BACE1: variants seen among roughly 807,000 people sequenced by gnomAD.
BACE1 encodes beta-secretase 1, also known as APP beta-secretase.
In BACE1, 21 loss-of-function variants were observed where a neutral mutation model predicts 54.0. The ratio of observed to expected loss-of-function variants is 0.39; its 90% CI spans 0.28 to 0.56. BACE1 has a LOEUF of 0.56. Ranked by LOEUF, BACE1 falls within the 20% of genes least tolerant of loss-of-function variation. The pLI, the probability that BACE1 is intolerant of heterozygous loss-of-function variation, is 0.63. For missense variants in BACE1, 511 were observed against 661.2 expected (o/e 0.77, Z 2.49); for synonymous variants, 232 against 260.9 (o/e 0.89, Z 1.07).
chr11:117,288,421 AG>A lies in BACE1; in HGVS notation c.*1144del, dbSNP rs2034321238. ...TAGCCTAATAGGAAGAAATCCAGGC[AG>A]GGGTTATAGGGCATCAGCTGTTGAA... On this transcript the variant is annotated 3_prime_UTR_variant, in exon 9 of 9. Coordinates refer to ENST00000313005, the MANE Select transcript of BACE1 (RefSeq NM_012104.6). The A allele has an allele frequency of 6.5e-6, 1 of 152,684 alleles. No homozygotes were observed. The highest frequency in any genetic ancestry group is 2.4e-5 in the African/African-American group (1 of 41,468). 9.5% of individuals were successfully genotyped at this position (152,684 alleles called of 1,614,324 possible). A position where few individuals can be genotyped will look rare whatever the true frequency, so the allele number is the denominator to read the frequency against.
rs1438366825 is a variant in BACE1, at chr11:117,286,502, A to T, written c.*3064T>A. ...GACTCCAGGGAAAGGACATTATTAT[A>T]TTACCAATAGCTGATTTTTTTTTCC... On this transcript the variant is annotated 3_prime_UTR_variant, in exon 9 of 9. Transcript: ENST00000313005. The T allele has an allele frequency of 6.6e-6, 1 of 152,612 alleles. No individual in the cohort carries two copies. Among genetic ancestry groups the T allele is most frequent in the Non-Finnish European group, 1.5e-5 (1 of 68,042 alleles). 9.5% of individuals were successfully genotyped at this position (152,612 alleles called of 1,614,324 possible).
chr11:117,302,440 C>G (rs888157406), intron 1 of BACE1, among the ~76,000 whole-genome samples: 2 of 152,230 alleles, frequency 1.3e-5, no homozygotes, highest in Non-Finnish European at 1.5e-5. Context: ...CAGCCATGGT[C>G]CCTCTCGCAA....
chr11:117,290,318 A>G (rs2034384953), intron 8 of BACE1, among the ~76,000 whole-genome samples, 170 bp downstream of exon 8: 1 of 152,184 alleles, frequency 6.6e-6, no homozygotes, highest in South Asian at 2.1e-4. Flanking sequence ...GGCAGGCAGT[A>G]CAAAAAAAGG....
intron 1 of BACE1, chr11:117,299,676 C>G: frequency 2.5e-6 from 1 of 407,468 alleles, no homozygotes; most frequent in South Asian, 1.7e-5. Context: ...TCCCCGGTCT[C>G]TGGGCAGCCA....
chr11:117,306,194 C>T (rs2034830279), intron 1 of BACE1, among the ~76,000 whole-genome samples: 1 of 152,210 alleles, frequency 6.6e-6, no homozygotes, highest in Non-Finnish European at 1.5e-5. Context: ...CCTGCCTGTG[C>T]TGGCTCTTGA....
chr11:117,306,238 C>T (rs1056294745), intron 1 of BACE1, among the ~76,000 whole-genome samples: 1 of 152,138 alleles, frequency 6.6e-6, no homozygotes, highest in Admixed American at 6.6e-5. Context: ...CTCTGCGGAA[C>T]CCACCTGGAA....
At chr11:117,313,176 C>A (rs1437208448) in intron 1 of BACE1, among the ~76,000 whole-genome samples, 1 of 152,170 alleles carries the variant, frequency 6.6e-6, no homozygotes, top group East Asian at 1.9e-4. Context: ...GTCCAAGCCA[C>A]CAGAGAGCAG....
chr11:117,297,263 A>G (rs1428001865), intron 1 of BACE1: 2 of 318,014 alleles, frequency 6.3e-6, no homozygotes, highest in East Asian at 7.7e-5. Context: ...TCAAAAAAAT[A>G]TAGGAAGTCA....
rs1211423677 is a variant in BACE1, at chr11:117,291,102, C to G, written c.943-53G>C. On this transcript the variant is annotated intron_variant, in intron 6 of 8. Coordinates refer to ENST00000313005, the MANE Select transcript of BACE1 (RefSeq NM_012104.6). ...GAGGAAAAGCCTCTTTATCATCTCG[C>G]CCCTCCCATGTTCAGATACATTAAC... The G allele has an allele frequency of 1.9e-6, 3 of 1,592,224 alleles. No individual in the cohort carries two copies. The African/African-American group carries it at 4.0e-5, about 21-fold the overall frequency.
chr11:117,293,470 A>C lies in BACE1; in HGVS notation c.706-282T>G. 3.2e-6 allele frequency: 1 copy of C among 312,214 alleles called. No individual in the cohort carries two copies. The highest frequency in any genetic ancestry group is 5.8e-6 in the Non-Finnish European group (1 of 173,718). The allele number at this position is 312,214 out of a possible 1,614,324, so 19.3% of individuals were successfully genotyped here. A position where few individuals can be genotyped will look rare whatever the true frequency, so the allele number is the denominator to read the frequency against. On this transcript the variant is annotated intron_variant, in intron 4 of 8. Transcript: ENST00000313005. The surrounding 1 kb of genome is among the most constrained non-coding windows in gnomAD (Gnocchi z 4.1). The stretch of plus-strand genomic sequence containing the variant: ...TCTAAACTGCCACAATAAATGTTGA[A>C]TGAATGGTTATTTGTTTATATTATA...
chr11:117,297,023 A>G, intron 1 of BACE1, 62 bp from the exon 2 acceptor site: 1 of 1,230,204 alleles, frequency 8.1e-7, no homozygotes, highest in Non-Finnish European at 1.2e-6. Context: ...CACCACCTTT[A>G]TTATCCCTCA....
chr11:117,299,164 C>G (rs1170848429), intron 1 of BACE1, among the ~76,000 whole-genome samples: 1 of 152,102 alleles, frequency 6.6e-6, no homozygotes, highest in Non-Finnish European at 1.5e-5. Flanking sequence ...TTCAGTCAGA[C>G]CAGAGCCATT....
At chr11:117,296,758 C>T (rs1201899793) in intron 2 of BACE1, 115 bp downstream of exon 2, 3 of 842,792 alleles carry the variant, frequency 3.6e-6, no homozygotes, top group Non-Finnish European at 5.5e-6. Flanking sequence ...CTTCCCCTTC[C>T]CTGGCAAGAA....
At position 117,315,075 on chromosome 11, in the gene BACE1, C is replaced by T. The variant is rs2035060521; in HGVS notation, c.261+460G>A. On this transcript the variant is annotated intron_variant, in intron 1 of 8. Transcript: ENST00000313005. The surrounding 1 kb of genome is among the most constrained non-coding windows in gnomAD (Gnocchi z 5.5). Reference sequence around the variant, plus strand: ...TGGGAGCAAGGTGCTTATTCAACTGCTGCCAGGATTCCTTGGTCCTGGAGG... The same window carrying T: ...TGGGAGCAAGGTGCTTATTCAACTGTTGCCAGGATTCCTTGGTCCTGGAGG... Among the ~76,000 whole-genome samples, 1 of 152,186 alleles carries T rather than the reference C, an allele frequency of 6.6e-6. No individual in the cohort carries two copies. The highest frequency in any genetic ancestry group is 1.5e-5 in the Non-Finnish European group (1 of 68,018).
chr11:117,289,645 A>G lies in BACE1; in HGVS notation c.1427T>C (p.Met476Thr). Residue 476 changes from methionine (M) to threonine (T), a missense_variant, in exon 9 of 9, where the codon ATG (methionine) becomes ACG (threonine). By Grantham distance (81) the Met-to-Thr change is moderately conservative. This residue lies in a region of BACE1 where 407 missense variants were observed against 565.7 expected (regional missense o/e 0.72). Coordinates refer to ENST00000313005, the MANE Select transcript of BACE1 (RefSeq NM_012104.6). The part of the protein sequence containing the change: ...CALFMLPLCL[M>T]VCQWRCLRCL... ...GCGGAGGCAGCGCCACTGACACACC[A>G]TGAGGCAGAGTGGCAGCATGAAGAG... is the stretch of plus-strand genomic sequence containing the variant. The G allele has an allele frequency of 6.2e-7, 1 of 1,614,212 alleles. No homozygotes were observed. Among genetic ancestry groups the G allele is most frequent in the Non-Finnish European group, 8.5e-7 (1 of 1,180,044 alleles).
chr11:117,305,161 C>T (rs1239854720), intron 1 of BACE1, among the ~76,000 whole-genome samples: 1 of 152,078 alleles, frequency 6.6e-6, no homozygotes, highest in Non-Finnish European at 1.5e-5. Context: ...TCCTGTGGTT[C>T]TTAGAGCAGT....
chr11:117,311,668 T>G (rs2034945668), intron 1 of BACE1, among the ~76,000 whole-genome samples: 1 of 152,038 alleles, frequency 6.6e-6, no homozygotes, highest in South Asian at 2.1e-4. Flanking sequence ...TGAGACGGAG[T>G]CTTGCTCTGT....
At chr11:117,304,697 G>A (rs1026083155) in intron 1 of BACE1, among the ~76,000 whole-genome samples, 8 of 152,202 alleles carry the variant, frequency 5.3e-5, no homozygotes, top group African/African-American at 1.9e-4. Flanking sequence ...TTGTCCTGAC[G>A]CCCAGATAAG....
intron 2 of BACE1, 65 bp from the exon 3 acceptor site, chr11:117,295,412 C>T: frequency 6.3e-7 from 1 of 1,578,396 alleles, no homozygotes; most frequent in Non-Finnish European, 8.6e-7. Context: ...CTAAGTTAAA[C>T]TTACTCCCAA....
Sources: allele counts gnomAD v4.1 joint callset (sites outside exome capture counted in the v4.1 genomes callset), GRCh38; gene constraint gnomAD v4.1.1; regional missense constraint gnomAD v4.1.1; non-coding constraint Gnocchi (gnomAD v3.1); transcripts MANE v1.5; gene names NCBI Gene and HGNC (gene_info 2026-07-23, HGNC 2026-07-21).